DCC: variants seen among roughly 807,000 people sequenced by gnomAD.
DCC encodes DCC netrin 1 receptor.
Under a neutral mutation model 172.5 loss-of-function variants are expected in DCC, and 58 were observed. That is an observed-to-expected ratio of 0.34 (90% confidence interval 0.27 to 0.42). The LOEUF is 0.42. Ranked by LOEUF, DCC falls within the 10% of genes least tolerant of loss-of-function variation. The pLI is 1.00. For synonymous variants in DCC, 709 were observed against 644.5 expected, an observed-to-expected ratio of 1.10 and a Z score of -1.52; for missense variants, 1,740 against 1,791.0, an observed-to-expected ratio of 0.97 and a Z score of 0.51.
intron 5 of DCC, among the ~76,000 whole-genome samples, chr18:53,040,257 CT>C (rs1336175718): frequency 6.6e-6 from 1 of 151,962 alleles, no homozygotes; most frequent in East Asian, 1.9e-4. Flanking sequence ...CATGTATTCT[CT>C]CTTTAAATCC....
At position 53,351,339 on chromosome 18, in the gene DCC, ATATATATATACACAG is replaced by A. The variant is rs2057797443; in HGVS notation, c.2359+11443_2359+11457del. On this transcript the variant is annotated intron_variant, in intron 15 of 28. Transcript: ENST00000442544. ...TACACTGTATATATATATACAGTGT[ATATATATATACACAG>A]TATATATATATACTGTATATATATA... 1.7e-4 allele frequency among the ~76,000 whole-genome samples: 11 copies of A among 64,436 alleles called. 3 individuals are homozygous for A. The highest frequency in any genetic ancestry group is 4.2e-4 in the South Asian group (1 of 2,372). 42.3% of individuals were successfully genotyped at this position (64,436 alleles called of 152,430 possible).
At chr18:53,053,929 T>C (rs929106316) in intron 5 of DCC, among the ~76,000 whole-genome samples, 1 of 152,136 alleles carries the variant, frequency 6.6e-6, no homozygotes, top group African/African-American at 2.4e-5. Flanking sequence ...TGTGAGTCTA[T>C]GTGTGTGCAG....
At chr18:53,463,504 T>C (rs922633758) in intron 24 of DCC, among the ~76,000 whole-genome samples, 1 of 152,192 alleles carries the variant, frequency 6.6e-6, no homozygotes, top group Non-Finnish European at 1.5e-5. Flanking sequence ...AGAAACATTA[T>C]ATTTAACAAT....
At chr18:53,057,039 C>A (rs2042415572) in intron 5 of DCC, among the ~76,000 whole-genome samples, 1 of 110,006 alleles carries the variant, frequency 9.1e-6, no homozygotes. Flanking sequence ...ACCTAAGTAA[C>A]TGGAAAAGAA....
At chr18:53,409,697 C>G (rs944121859) in intron 19 of DCC, among the ~76,000 whole-genome samples, 3 of 152,222 alleles carry the variant, frequency 2.0e-5, no homozygotes, top group Admixed American at 6.5e-5. Flanking sequence ...AACTAGCACT[C>G]AAGTAACATA....
chr18:52,444,051 C>T (rs758062529), intron 1 of DCC, among the ~76,000 whole-genome samples: 23 of 152,176 alleles, frequency 1.5e-4, no homozygotes, highest in Non-Finnish European at 2.9e-4. Flanking sequence ...CCCGGGATTT[C>T]TGTCTCAAGA....
At chr18:52,986,672 TAGA>T (rs1156995905) in intron 5 of DCC, among the ~76,000 whole-genome samples, 2 of 151,972 alleles carry the variant, frequency 1.3e-5, no homozygotes, top group South Asian at 2.1e-4. Context: ...GTAGGATTTT[TAGA>T]AGAAGGCAAA....
At chr18:52,500,051 G>T (rs1283776112) in intron 1 of DCC, among the ~76,000 whole-genome samples, 2 of 151,884 alleles carry the variant, frequency 1.3e-5, no homozygotes, top group Non-Finnish European at 2.9e-5. Context: ...CTAGGACCAG[G>T]GTCCCTGATT....
At chr18:52,352,767 A>G (rs1354864681) in intron 1 of DCC, among the ~76,000 whole-genome samples, 1 of 152,168 alleles carries the variant, frequency 6.6e-6, no homozygotes, top group African/African-American at 2.4e-5. Context: ...AGGCACAAGT[A>G]TTCTAAAGTC....
intron 3 of DCC, among the ~76,000 whole-genome samples, chr18:52,922,451 C>T (rs1330019233): frequency 3.3e-5 from 5 of 152,124 alleles, no homozygotes; most frequent in Admixed American, 6.6e-5. Flanking sequence ...TGCTATGACC[C>T]GATTGGGTCT....
At chr18:53,465,222 T>C (rs955032027) in intron 24 of DCC, among the ~76,000 whole-genome samples, 9 of 151,878 alleles carry the variant, frequency 5.9e-5, no homozygotes, top group Admixed American at 2.6e-4. Context: ...TACTACTTCC[T>C]GTTTAGAGAA....
At chr18:52,837,902 T>C (rs545226054) in intron 2 of DCC, among the ~76,000 whole-genome samples, 44 of 152,220 alleles carry the variant, frequency 2.9e-4, no homozygotes, top group Middle Eastern at 3.4e-3. Flanking sequence ...CTTACAATCA[T>C]GGCAGAAGGG....
chr18:53,265,456 T>G (rs2056662696), intron 12 of DCC, among the ~76,000 whole-genome samples: 1 of 152,218 alleles, frequency 6.6e-6, no homozygotes. Flanking sequence ...TATCAAGCCT[T>G]AAACAAATGT....
At chr18:52,801,369 C>CTAATGTTTTATAT (rs2037981802) in intron 2 of DCC, among the ~76,000 whole-genome samples, 1 of 152,062 alleles carries the variant, frequency 6.6e-6, no homozygotes, top group Non-Finnish European at 1.5e-5. Context: ...TGTAACAAAG[C>CTAATGTTTTATAT]CTATTCTAAT....
At chr18:52,388,597 G>T (rs1034902359) in intron 1 of DCC, among the ~76,000 whole-genome samples, 1 of 151,044 alleles carries the variant, frequency 6.6e-6, no homozygotes, top group South Asian at 2.1e-4. Flanking sequence ...AAAAACCTTT[G>T]CTAGGAGTAT....
At chr18:53,527,432 T>C (rs1259532314) in intron 28 of DCC, among the ~76,000 whole-genome samples, 1 of 151,938 alleles carries the variant, frequency 6.6e-6, no homozygotes, top group Non-Finnish European at 1.5e-5. Flanking sequence ...AAAAGCTATA[T>C]TATGAGGGCT....
At chr18:53,377,127 A>T (rs1423420837) in intron 15 of DCC, among the ~76,000 whole-genome samples, 1 of 152,200 alleles carries the variant, frequency 6.6e-6, no homozygotes, top group Non-Finnish European at 1.5e-5. Flanking sequence ...AACACAGAGG[A>T]TACAAGGCTG....
intron 22 of DCC, among the ~76,000 whole-genome samples, chr18:53,446,598 T>C (rs544798836): frequency 1.4e-4 from 22 of 152,202 alleles, no homozygotes; most frequent in Non-Finnish European, 2.8e-4. Flanking sequence ...TAGATCCTCA[T>C]TACTTGCAGA....
chr18:52,959,166 G>A (rs2040797904), intron 5 of DCC, among the ~76,000 whole-genome samples: 1 of 152,018 alleles, frequency 6.6e-6, no homozygotes, highest in African/African-American at 2.4e-5. Context: ...AACTATAATT[G>A]TAAATAGGTC....
Sources: allele counts gnomAD v4.1 joint callset (sites outside exome capture counted in the v4.1 genomes callset), GRCh38; gene constraint gnomAD v4.1.1; transcripts MANE v1.5; gene names NCBI Gene and HGNC (gene_info 2026-07-23, HGNC 2026-07-21).